DMXL2: variants seen among roughly 807,000 people sequenced by gnomAD.
DMXL2 encodes Dmx like 2, also known as dmX-like protein 2.
Under a neutral mutation model 331.1 loss-of-function variants are expected in DMXL2, and 103 were observed. The ratio of observed to expected loss-of-function variants is 0.31; its 90% CI spans 0.27 to 0.37. DMXL2 has a LOEUF of 0.37. Ranked by LOEUF, DMXL2 falls within the 10% of genes least tolerant of loss-of-function variation. The probability of loss-of-function intolerance (pLI) is 1.00; values close to 1 mark genes in which losing one functional copy is unlikely to be tolerated. For synonymous variants in DMXL2, 1,281 were observed against 1,252.1 expected (o/e 1.02, Z -0.49); for missense variants, 3,171 against 3,642.9 (o/e 0.87, Z 3.33).
chr15:51,562,243 T>C (rs1297087377), intron 6 of DMXL2, among the ~76,000 whole-genome samples: 1 of 152,134 alleles, frequency 6.6e-6, no homozygotes, highest in Non-Finnish European at 1.5e-5. Flanking sequence ...ATATATCAAT[T>C]AAAAAGTTTA....
chr15:51,616,700 G>A (rs1191801502), intron 1 of DMXL2, among the ~76,000 whole-genome samples: 1 of 152,196 alleles, frequency 6.6e-6, no homozygotes, highest in Non-Finnish European at 1.5e-5. Flanking sequence ...TACCTTGGGA[G>A]GCTGAGGCAG....
chr15:51,536,601 T>C lies in DMXL2; in HGVS notation c.1879A>G (p.Thr627Ala), dbSNP rs1255550414. The change falls in exon 12 of 44, where the codon ACT (threonine) becomes GCT (alanine). Residue 627 changes from threonine (T) to alanine (A), a missense_variant. Physicochemically the swap from Thr to Ala is moderately conservative, Grantham distance 58. Around this residue, in one of 7 missense-constraint regions of DMXL2, gnomAD observed 1,674 missense variants for 1,780.2 expected, o/e 0.94. Coordinates refer to ENST00000560891, the MANE Select transcript of DMXL2 (RefSeq NM_001378457.1). ...GTAAAGGCAGACTTATCAGCAAAAG[T>C]GACTGCCCACTGATTTAAAGAACCA... is the stretch of plus-strand genomic sequence containing the variant. ...IDGSLNQWAV[T>A]FADKSAFTTV... 6 of 1,613,914 alleles carry C rather than the reference T, an allele frequency of 3.7e-6. No individual in the cohort carries two copies. The highest frequency in any genetic ancestry group is 5.1e-6 in the Non-Finnish European group (6 of 1,179,984).
intron 6 of DMXL2, among the ~76,000 whole-genome samples, chr15:51,561,127 G>T (rs1259594471): frequency 1.3e-5 from 2 of 152,054 alleles, no homozygotes; most frequent in African/African-American, 2.4e-5. Context: ...AACAGTAAAG[G>T]GGGAAGATAG....
At chr15:51,598,024 T>C (rs867377784) in intron 1 of DMXL2, among the ~76,000 whole-genome samples, 2 of 152,226 alleles carry the variant, frequency 1.3e-5, no homozygotes, top group African/African-American at 2.4e-5. Context: ...TACTAGTCCT[T>C]TGTCAAATAT....
chr15:51,622,432 C>T, intron 1 of DMXL2, 27 bp downstream of exon 1: 1 of 1,552,086 alleles, frequency 6.4e-7, no homozygotes, highest in Non-Finnish European at 8.7e-7. Context: ...CTGGTATCTT[C>T]CCCTAGGGCT....
intron 1 of DMXL2, among the ~76,000 whole-genome samples, chr15:51,621,182 C>T (rs886547719): frequency 2.6e-5 from 4 of 152,144 alleles, no homozygotes; most frequent in African/African-American, 9.7e-5. Context: ...ACACAGATGA[C>T]AAAAGGGGTC....
chr15:51,560,343 A>G (rs549846900), intron 6 of DMXL2, among the ~76,000 whole-genome samples: 23 of 152,178 alleles, frequency 1.5e-4, no homozygotes, highest in Admixed American at 8.5e-4. Flanking sequence ...GTACAGATGA[A>G]ACAAGATTGG....
intron 13 of DMXL2, among the ~76,000 whole-genome samples, chr15:51,523,234 G>A (rs1038182546): frequency 2.0e-5 from 3 of 152,196 alleles, no homozygotes; most frequent in African/African-American, 7.2e-5. Flanking sequence ...AGAAATAATG[G>A]AAATGTGACA....
chr15:51,505,716 C>T (rs2046360240), intron 16 of DMXL2, among the ~76,000 whole-genome samples: 1 of 152,170 alleles, frequency 6.6e-6, no homozygotes, highest in Non-Finnish European at 1.5e-5. Context: ...CCAGTTAGAA[C>T]TGCTACAATT....
intron 1 of DMXL2, 30 bp from the exon 2 acceptor site, chr15:51,576,211 AATACATAAG>A (rs1454615501): frequency 6.6e-6 from 9 of 1,373,884 alleles, no homozygotes; most frequent in Non-Finnish European, 8.7e-6. Flanking sequence ...AAAGTTTTAC[AATACATAAG>A]ATATGTAACT....
chr15:51,481,376 T>G lies in DMXL2; in HGVS notation c.5730A>C (p.Lys1910Asn). The G allele has an allele frequency of 6.2e-7, 1 of 1,613,792 alleles. No homozygotes were observed. The highest frequency in any genetic ancestry group is 1.1e-5 in the South Asian group (1 of 91,022). The change falls in exon 24 of 44, where the codon AAA becomes AAC. Residue 1910 changes from lysine (K) to asparagine (N), a missense_variant. By Grantham distance (94) the Lys-to-Asn change is moderately conservative. Coordinates refer to ENST00000560891, the MANE Select transcript of DMXL2 (RefSeq NM_001378457.1). ...CAGATAAGGCAGATGTTTTGGTTACTTTTGGAATTTTGGAGAGTACCTCCA... is the reference window on the plus strand; with the variant it reads ...CAGATAAGGCAGATGTTTTGGTTACGTTTGGAATTTTGGAGAGTACCTCCA... The part of the protein sequence containing the change: ...LALEVLSKIP[K>N]VTKTSALSAK...
intron 13 of DMXL2, among the ~76,000 whole-genome samples, chr15:51,517,774 A>G (rs917772138): frequency 6.6e-6 from 1 of 152,182 alleles, no homozygotes; most frequent in Non-Finnish European, 1.5e-5. Flanking sequence ...CACTACCTCA[A>G]AAAGGCCAAT....
intron 1 of DMXL2, among the ~76,000 whole-genome samples, chr15:51,617,804 G>A (rs149162595): frequency 7.4e-4 from 113 of 152,192 alleles, no homozygotes; most frequent in African/African-American, 2.6e-3. Context: ...TCCCATTTTT[G>A]GGGAAGACAT....
intron 1 of DMXL2, among the ~76,000 whole-genome samples, chr15:51,609,676 C>A (rs1355605382): frequency 2.0e-5 from 3 of 152,122 alleles, no homozygotes; most frequent in Non-Finnish European, 2.9e-5. Context: ...CGCCTGTAAT[C>A]CCTGCACTTT....
intron 1 of DMXL2, among the ~76,000 whole-genome samples, chr15:51,589,211 T>G (rs1322545471): frequency 1.3e-5 from 2 of 152,102 alleles, no homozygotes; most frequent in East Asian, 3.8e-4. Context: ...TCATGCATAT[T>G]CAGAAATAAG....
intron 1 of DMXL2, among the ~76,000 whole-genome samples, chr15:51,614,620 A>T (rs576270086): frequency 1.6e-4 from 24 of 149,436 alleles, no homozygotes; most frequent in African/African-American, 4.9e-4. Flanking sequence ...GAAGTATTAT[A>T]AAAAAATAGC....
intron 1 of DMXL2, among the ~76,000 whole-genome samples, chr15:51,581,303 A>G (rs772730843): frequency 5.9e-5 from 9 of 152,142 alleles, no homozygotes; most frequent in Non-Finnish European, 1.2e-4. Context: ...GAATCATCCC[A>G]AAACCATCCC....
chr15:51,571,298 G>A (rs968087025), intron 2 of DMXL2, among the ~76,000 whole-genome samples: 1 of 152,156 alleles, frequency 6.6e-6, no homozygotes, highest in Non-Finnish European at 1.5e-5. Context: ...AGTTCTTAAA[G>A]ACCTACAAAG....
chr15:51,467,752 A>T (rs2040718816), intron 29 of DMXL2, among the ~76,000 whole-genome samples: 1 of 144,590 alleles, frequency 6.9e-6, no homozygotes, highest in African/African-American at 2.6e-5. Context: ...TTTGAGACGG[A>T]GTCTCACTCT....
Sources: gnomAD v4.1 joint callset for allele counts (sites outside exome capture counted in the v4.1 genomes callset) on GRCh38, gnomAD v4.1.1 for gene constraint, gnomAD v4.1.1 regional missense constraint, MANE v1.5 for transcripts, NCBI Gene and HGNC (gene_info 2026-07-23, HGNC 2026-07-21) for gene names.